Variants in SMURF1 observed in about 807,000 individuals in gnomAD.
SMURF1 encodes SMAD specific E3 ubiquitin protein ligase 1.
SMURF1 carries 44 observed loss-of-function variants against 98.0 expected under a neutral mutation model. That is an observed-to-expected ratio of 0.45 (90% CI 0.35 to 0.58). SMURF1 has a LOEUF of 0.58. Among genes scored for constraint, SMURF1 ranks in the 20% least tolerant of loss-of-function variants. The pLI is 0.00. For missense variants in SMURF1, 687 were observed against 938.4 expected (o/e 0.73, Z 3.50); for synonymous variants, 396 against 374.9 (o/e 1.06, Z -0.65).
chr7:99,101,094 T>A (rs943251394), intron 1 of SMURF1, among the ~76,000 whole-genome samples: 24 of 152,258 alleles, frequency 1.6e-4, no homozygotes, highest in Non-Finnish European at 2.5e-4. Flanking sequence ...TGAACTTGGT[T>A]CTTGATAAGG....
intron 1 of SMURF1, among the ~76,000 whole-genome samples, chr7:99,106,820 G>C (rs1313227921): frequency 6.6e-6 from 1 of 152,142 alleles, no homozygotes; most frequent in African/African-American, 2.4e-5. Flanking sequence ...TTTTTCCCAA[G>C]TGATTTAAGG....
chr7:99,143,478 G>C (rs1357774291), intron 1 of SMURF1, among the ~76,000 whole-genome samples: 2 of 143,062 alleles, frequency 1.4e-5, no homozygotes, highest in Admixed American at 1.4e-4. Flanking sequence ...GGAGATGCGA[G>C]GGGGCAGGTG....
Position 99,035,537 on chromosome 7 carries a change from G to C in SMURF1, c.1989C>G (p.Leu663=), listed in dbSNP as rs1204407153. The C allele has an allele frequency of 1.9e-6, 3 of 1,614,186 alleles. No individual in the cohort carries two copies. The highest frequency in any genetic ancestry group is 4.5e-5 in the East Asian group (2 of 44,880). ...QFVTGSTRVP[L]QGFKALQGST... ...CACCTTGCAAAGCCTTGAAGCCTTG[G>C]AGCGGGACTCGCGTGGACCCAGTCA... is the stretch of plus-strand genomic sequence containing the variant. Residue 663 remains leucine (L), a synonymous_variant, in exon 16 of 18, where the codon CTC becomes CTG. Transcript: ENST00000361368.
intron 3 of SMURF1, among the ~76,000 whole-genome samples, chr7:99,059,439 A>AAAT (rs1795977622): frequency 6.7e-6 from 1 of 148,368 alleles, no homozygotes. Flanking sequence ...AAATAAAATA[A>AAAT]AATAAAATAA....
At chr7:99,119,803 A>T (rs1797558189) in intron 1 of SMURF1, among the ~76,000 whole-genome samples, 1 of 152,198 alleles carries the variant, frequency 6.6e-6, no homozygotes. Context: ...TTCAAGGAGA[A>T]AGAGAGATTG....
At chr7:99,082,018 G>A (rs79939730) in intron 1 of SMURF1, among the ~76,000 whole-genome samples, 2,543 of 152,254 alleles carry the variant, frequency 0.017, 33 homozygotes, top group Admixed American at 0.026. Flanking sequence ...GTTTTGATTG[G>A]CATGTCTCTG....
At chr7:99,091,411 T>A (rs1220732557) in intron 1 of SMURF1, among the ~76,000 whole-genome samples, 2 of 152,136 alleles carry the variant, frequency 1.3e-5, no homozygotes, top group African/African-American at 4.8e-5. Flanking sequence ...ATGTGCAGAA[T>A]AACAAGTAGA....
chr7:99,103,509 A>C (rs1797133984), intron 1 of SMURF1, among the ~76,000 whole-genome samples: 1 of 152,198 alleles, frequency 6.6e-6, no homozygotes, highest in Non-Finnish European at 1.5e-5. Context: ...TCAATTACTC[A>C]TTTGAATCCA....
At chr7:99,102,508 C>T (rs1797105436) in intron 1 of SMURF1, among the ~76,000 whole-genome samples, 1 of 152,144 alleles carries the variant, frequency 6.6e-6, no homozygotes, top group Admixed American at 6.5e-5. Flanking sequence ...AGAAAAGCTG[C>T]CTTGTCAACA....
At chr7:99,032,391 G>A (rs757408317) in intron 17 of SMURF1, among the ~76,000 whole-genome samples, 5 of 152,170 alleles carry the variant, frequency 3.3e-5, no homozygotes, top group Non-Finnish European at 7.3e-5. Flanking sequence ...ACATGAGGCC[G>A]GGCTTGGTGG....
rs138152402 is a variant in SMURF1, at chr7:99,065,132, C to T, written c.56-3295G>A. On this transcript the variant is annotated intron_variant, in intron 1 of 17. Coordinates refer to ENST00000361368, the MANE Select transcript of SMURF1 (RefSeq NM_181349.3). ...TTCTTTTTTGAGACAGAGTCTCTGT[C>T]GCCCAGGCTGGAGTGCAGTGGTGCG... Among the ~76,000 whole-genome samples, 918 of 150,962 alleles carry T rather than the reference C, an allele frequency of 6.1e-3. 10 individuals are homozygous for T. The highest frequency in any genetic ancestry group is 0.021 in the African/African-American group (852 of 41,132).
intron 1 of SMURF1, among the ~76,000 whole-genome samples, chr7:99,080,872 A>G (rs903758971): frequency 1.3e-5 from 2 of 152,140 alleles, no homozygotes; most frequent in Non-Finnish European, 2.9e-5. Context: ...AAGGGATCAC[A>G]TGACTGGAGT....
intron 1 of SMURF1, among the ~76,000 whole-genome samples, chr7:99,094,936 T>G (rs966882042): frequency 6.6e-6 from 1 of 152,184 alleles, no homozygotes; most frequent in Admixed American, 6.5e-5. Flanking sequence ...CTACCTGCAC[T>G]GGCTCCATCA....
chr7:99,096,289 G>T (rs961500942), intron 1 of SMURF1, among the ~76,000 whole-genome samples: 1 of 152,156 alleles, frequency 6.6e-6, no homozygotes, highest in African/African-American at 2.4e-5. Context: ...CCCGCAAAAG[G>T]CTAGTTAGAA....
chr7:99,042,293 T>TC (rs1795415792), intron 11 of SMURF1, 61 bp from the exon 12 acceptor site: 10 of 1,134,498 alleles, frequency 8.8e-6, no homozygotes, highest in Non-Finnish European at 1.3e-5. Context: ...TTTTTTTTTT[T>TC]CCCTGAGATG....
At chr7:99,096,174 T>C (rs901201263) in intron 1 of SMURF1, among the ~76,000 whole-genome samples, 4 of 152,174 alleles carry the variant, frequency 2.6e-5, no homozygotes, top group African/African-American at 7.2e-5. Context: ...GCCTAAATCA[T>C]GGGGTAAACC....
intron 1 of SMURF1, among the ~76,000 whole-genome samples, chr7:99,100,609 C>G (rs971522794): frequency 1.3e-5 from 2 of 152,054 alleles, no homozygotes; most frequent in Non-Finnish European, 2.9e-5. Context: ...GAATTCTCAG[C>G]CCAACATCAC....
chr7:99,031,222 C>G (rs1165448576), intron 17 of SMURF1: 1 of 152,400 alleles, frequency 6.6e-6, no homozygotes, highest in South Asian at 2.1e-4. Flanking sequence ...GGGACTTGAT[C>G]TGAGACCAAA....
intron 1 of SMURF1, among the ~76,000 whole-genome samples, chr7:99,128,170 C>T (rs2150635540): frequency 6.6e-6 from 1 of 152,222 alleles, no homozygotes; most frequent in South Asian, 2.1e-4. Flanking sequence ...ACTCAACACC[C>T]TCAAATAATA....
Sources: gnomAD v4.1 joint callset for allele counts (sites outside exome capture counted in the v4.1 genomes callset) on GRCh38, gnomAD v4.1.1 for gene constraint, MANE v1.5 for transcripts, NCBI Gene and HGNC (gene_info 2026-07-23, HGNC 2026-07-21) for gene names.